The following ANKS1B variants were observed in gnomAD, a reference collection of about 807,000 sequenced individuals.
ANKS1B encodes ankyrin repeat and sterile alpha motif domain-containing protein 1B.
A neutral mutation model predicts 148.3 loss-of-function variants in ANKS1B; 36 were observed. That is an observed-to-expected ratio of 0.24 (90% CI 0.19 to 0.32). The LOEUF is 0.32. ANKS1B is among the 10% of genes least tolerant of loss of function. The pLI is 1.00. For missense variants in ANKS1B, 1,157 were observed against 1,542.6 expected (o/e 0.75, Z 4.19); for synonymous variants, 542 against 560.8 (o/e 0.97, Z 0.47).
intron 9 of ANKS1B, among the ~76,000 whole-genome samples, chr12:99,632,289 T>C (rs2098168892): frequency 6.6e-6 from 1 of 151,980 alleles, no homozygotes; most frequent in South Asian, 2.1e-4. Flanking sequence ...CACCCAGATT[T>C]CAAAGAATGT....
chr12:99,267,454 T>C (rs1358808155), intron 12 of ANKS1B, among the ~76,000 whole-genome samples: 1 of 152,214 alleles, frequency 6.6e-6, no homozygotes, highest in African/African-American at 2.4e-5. Context: ...TTATTGTTTA[T>C]AAAATATATA....
intron 12 of ANKS1B, among the ~76,000 whole-genome samples, chr12:99,356,783 T>C (rs941365920): frequency 1.3e-5 from 2 of 152,280 alleles, no homozygotes; most frequent in Admixed American, 6.5e-5. Context: ...AAACCTGCTT[T>C]ACTCTTTAAA....
chr12:98,855,821 C>CTTT (rs140095975), intron 17 of ANKS1B, among the ~76,000 whole-genome samples: 33 of 151,474 alleles, frequency 2.2e-4, no homozygotes, highest in Admixed American at 1.2e-3. Flanking sequence ...GTCCTTCTCC[C>CTTT]TTTTTTTTTA....
chr12:99,928,320 G>A (rs948187411), intron 1 of ANKS1B, among the ~76,000 whole-genome samples: 25 of 147,710 alleles, frequency 1.7e-4, no homozygotes, highest in Admixed American at 9.4e-4. Flanking sequence ...CGCCCAGGCC[G>A]GACTGCGGAC....
intron 11 of ANKS1B, among the ~76,000 whole-genome samples, chr12:99,408,722 C>A (rs1209071485): frequency 6.9e-6 from 1 of 145,922 alleles, no homozygotes; most frequent in African/African-American, 2.6e-5. Context: ...AGAAGACATA[C>A]AAATGGCGAA....
chr12:99,478,737 C>T lies in ANKS1B; in HGVS notation c.1438+25739G>A, dbSNP rs138487541. On this transcript the variant is annotated intron_variant, in intron 10 of 26. Transcript: ENST00000683438. ...AGTTGACAACAATCCCCAAAATCAG[C>T]GTGACAGTACCAATAACCGATTGTG... Among the ~76,000 whole-genome samples the T allele has an allele frequency of 3.9e-4, 59 of 152,088 alleles. No homozygotes were observed. In the East Asian group the frequency reaches 8.7e-3, roughly 22 times the overall value.
rs1240096270 is a variant in ANKS1B, at chr12:99,073,617, A to G, written c.2625+11308T>C. ...ATATTTGTCTTTTTCTTGTATTTCT[A>G]GAGCTCTTGGATTCCTGCTGCAACC... On this transcript the variant is annotated intron_variant, in intron 16 of 26. Transcript: ENST00000683438. Among the ~76,000 whole-genome samples, 7 of 149,030 alleles carry G rather than the reference A, an allele frequency of 4.7e-5. No homozygotes were observed. The East Asian group carries it at 1.4e-3, about 29-fold the overall frequency.
At position 99,165,245 on chromosome 12, in the gene ANKS1B, T is replaced by A. The variant is rs751576810; in HGVS notation, c.2420-10850A>T. 2.8e-4 allele frequency among the ~76,000 whole-genome samples: 43 copies of A among 151,688 alleles called. No homozygotes were observed. In the Middle Eastern group the frequency reaches 0.01, roughly 36 times the overall value. On this transcript the variant is annotated intron_variant, in intron 14 of 26. Transcript: ENST00000683438. ...AAATGAAAGTAAGAAGAAAGATAAC[T>A]CCAACAAAAATAAGCAGAAGTAAGG...
intron 1 of ANKS1B, among the ~76,000 whole-genome samples, chr12:99,895,593 T>A (rs951410096): frequency 6.6e-6 from 1 of 150,934 alleles, no homozygotes; most frequent in Non-Finnish European, 1.5e-5. Context: ...CTAAATCAAA[T>A]AAATAATTCA....
intron 10 of ANKS1B, among the ~76,000 whole-genome samples, chr12:99,493,454 A>G (rs1241030857): frequency 6.6e-6 from 1 of 151,694 alleles, no homozygotes; most frequent in African/African-American, 2.4e-5. Flanking sequence ...GTTACAAGGG[A>G]AACAGGACTT....
chr12:99,314,956 T>C (rs1040645728), intron 12 of ANKS1B, among the ~76,000 whole-genome samples: 3 of 152,062 alleles, frequency 2.0e-5, no homozygotes, highest in African/African-American at 4.8e-5. Flanking sequence ...CAAAAGAAAC[T>C]ACCATTGGCT....
At chr12:99,308,948 A>G (rs1207321297) in intron 12 of ANKS1B, among the ~76,000 whole-genome samples, 2 of 149,870 alleles carry the variant, frequency 1.3e-5, no homozygotes, top group South Asian at 2.1e-4. Flanking sequence ...CCTGTGTACT[A>G]TATATAACAT....
chr12:99,929,092 A>AT (rs2094547801), intron 1 of ANKS1B, among the ~76,000 whole-genome samples: 1 of 152,256 alleles, frequency 6.6e-6, no homozygotes, highest in Admixed American at 6.5e-5. Flanking sequence ...CAACAGCATC[A>AT]TGAGAACAGG....
At chr12:99,558,288 C>T (rs532816663) in intron 9 of ANKS1B, among the ~76,000 whole-genome samples, 179 of 152,178 alleles carry the variant, frequency 1.2e-3, no homozygotes, top group Non-Finnish European at 2.0e-3. Context: ...ATGTGCACAT[C>T]CACGCCAGCA....
chr12:99,907,537 G>C (rs978134373), intron 1 of ANKS1B, among the ~76,000 whole-genome samples: 1 of 152,102 alleles, frequency 6.6e-6, no homozygotes, highest in African/African-American at 2.4e-5. Context: ...TGCTGTTCCT[G>C]CTGCTTCATG....
At chr12:99,608,347 C>T (rs1319790328) in intron 9 of ANKS1B, among the ~76,000 whole-genome samples, 1 of 152,050 alleles carries the variant, frequency 6.6e-6, no homozygotes, top group Non-Finnish European at 1.5e-5. Flanking sequence ...CAATGATTTT[C>T]CCATTCTGTC....
chr12:99,942,537 G>A (rs952234858), intron 1 of ANKS1B, among the ~76,000 whole-genome samples: 10 of 152,006 alleles, frequency 6.6e-5, no homozygotes, highest in African/African-American at 2.4e-4. Context: ...AAAAAATTTA[G>A]GCTAAGGAAA....
At chr12:99,154,777 G>A (rs1289602854) in intron 14 of ANKS1B, 1 of 1,447,676 alleles carries the variant, frequency 6.9e-7, no homozygotes, top group Non-Finnish European at 9.0e-7. Context: ...ACGGCCGGCA[G>A]CCAGAATTCT....
chr12:99,412,479 G>T (rs2094743710), intron 11 of ANKS1B, among the ~76,000 whole-genome samples: 1 of 152,196 alleles, frequency 6.6e-6, no homozygotes, highest in East Asian at 1.9e-4. Flanking sequence ...ATTCTTCGCA[G>T]AGGTCTAATG....
Sources: allele counts gnomAD v4.1 joint callset (sites outside exome capture counted in the v4.1 genomes callset), GRCh38; gene constraint gnomAD v4.1.1; transcripts MANE v1.5; gene names NCBI Gene and HGNC (gene_info 2026-07-23, HGNC 2026-07-21).